The following UTP20 variants were observed in gnomAD, a reference collection of about 807,000 sequenced individuals.
UTP20 encodes small subunit processome component 20 homolog.
A neutral mutation model predicts 329.5 loss-of-function variants in UTP20; 164 were observed. The ratio of observed to expected loss-of-function variants is 0.50; its 90% confidence interval spans 0.44 to 0.57. The LOEUF (loss-of-function observed/expected upper bound fraction) is 0.57, where lower values mean the gene tolerates loss of function less well. Among genes scored for constraint, UTP20 ranks in the 20% least tolerant of loss-of-function variants. The probability of loss-of-function intolerance (pLI) is 0.00; values close to 1 mark genes in which losing one functional copy is unlikely to be tolerated. For synonymous variants in UTP20, 1,151 were observed against 1,159.3 expected, an observed-to-expected ratio of 0.99 and a Z score of 0.14; for missense variants, 3,055 against 3,284.2, an observed-to-expected ratio of 0.93 and a Z score of 1.71.
rs762707848 is a variant in UTP20 at position 101,285,807 on chromosome 12, C to A, written c.252C>A (p.His84Gln). 1.3e-4 allele frequency: 210 copies of A among 1,613,678 alleles called. No individual in the cohort carries two copies. The highest frequency in any genetic ancestry group is 1.6e-4 in the Non-Finnish European group (191 of 1,179,902). Residue 84 changes from histidine to glutamine, a missense_variant, in exon 4 of 62, where the codon CAC becomes CAA. His to Gln is a conservative substitution (Grantham distance 24). Coordinates refer to ENST00000261637, the MANE Select transcript of UTP20 (RefSeq NM_014503.3). ...KCQSFNQLVY[H>Q]QNEIVQSLKT... ...AATCATTCAATCAGTTGGTGTATCACCAAAACGAGATAGTTCAGAGTTTGA... is the reference window on the plus strand; with the variant it reads ...AATCATTCAATCAGTTGGTGTATCAACAAAACGAGATAGTTCAGAGTTTGA...
chr12:101,338,171 C>T lies in UTP20; in HGVS notation c.3762C>T (p.Asp1254=). The T allele has an allele frequency of 6.2e-7, 1 of 1,614,138 alleles. No individual in the cohort carries two copies. Among genetic ancestry groups the T allele is most frequent in the South Asian group, 1.1e-5 (1 of 91,074 alleles). The change falls in exon 30 of 62, where the codon GAC becomes GAT. Residue 1254 remains aspartate, a synonymous_variant. Coordinates refer to ENST00000261637, the MANE Select transcript of UTP20 (RefSeq NM_014503.3). The part of the protein sequence containing the change: ...LSDATASIVM[D]IVDDLLNLPD... ...ATGCCACAGCCAGTATTGTAATGGA[C>T]ATAGTTGATGACCTTCTTAACCTTC... is the stretch of plus-strand genomic sequence containing the variant.
At chr12:101,322,142 A>G (rs1868387021) in intron 25 of UTP20, among the ~76,000 whole-genome samples, 1 of 152,050 alleles carries the variant, frequency 6.6e-6, no homozygotes, top group African/African-American at 2.4e-5. Context: ...AGCGTGCGCC[A>G]CCATGCCTGG....
chr12:101,285,470 A>G (rs1871929704), intron 2 of UTP20, 100 bp from the exon 3 acceptor site: 2 of 1,275,606 alleles, frequency 1.6e-6, no homozygotes, highest in Admixed American at 2.1e-5. Flanking sequence ...TAAACTCTTC[A>G]GTATCATTGT....
At chr12:101,366,475 G>A (rs767763226) in intron 46 of UTP20, 83 bp from the exon 47 acceptor site, 20 of 1,511,358 alleles carry the variant, frequency 1.3e-5, no homozygotes, top group Admixed American at 1.1e-4. Context: ...CTGGGCTCTC[G>A]TCACTTTAGA....
intron 27 of UTP20, 96 bp from the exon 28 acceptor site, chr12:101,333,205 T>G: frequency 8.2e-7 from 1 of 1,225,916 alleles, no homozygotes; most frequent in South Asian, 1.5e-5. Flanking sequence ...ATTTCCAGTT[T>G]GATTCTTAGC....
At position 101,300,081 on chromosome 12, in the gene UTP20, T is replaced by C. The variant is rs1872479413; in HGVS notation, c.1675+20T>C. ...GGAAAGGTCAGTTACAATCATCATGTGTTCTCTTCTCTTCTTTTCTGGCAC... is the reference window on the plus strand; with the variant it reads ...GGAAAGGTCAGTTACAATCATCATGCGTTCTCTTCTCTTCTTTTCTGGCAC... On this transcript the variant is annotated intron_variant, in intron 14 of 61. Transcript: ENST00000261637. 6.2e-7 allele frequency: 1 copy of C among 1,604,828 alleles called. No homozygotes were observed. The highest frequency in any genetic ancestry group is 1.3e-5 in the African/African-American group (1 of 74,878).
chr12:101,283,633 T>C (rs949419405), intron 2 of UTP20, among the ~76,000 whole-genome samples: 1 of 152,224 alleles, frequency 6.6e-6, no homozygotes, highest in Admixed American at 6.5e-5. Flanking sequence ...AGTTTTAAAC[T>C]GTGTTGCATA....
intron 58 of UTP20, among the ~76,000 whole-genome samples, chr12:101,382,831 AAC>A (rs1472496789): frequency 6.6e-6 from 1 of 151,404 alleles, no homozygotes. Context: ...CAGCCTGGGT[AAC>A]AGAGTGAGGC....
intron 29 of UTP20, among the ~76,000 whole-genome samples, chr12:101,335,945 A>G (rs1323422553): frequency 1.3e-5 from 2 of 152,212 alleles, no homozygotes; most frequent in South Asian, 2.1e-4. Flanking sequence ...TGTCATTTCT[A>G]TGCAAATAAG....
intron 25 of UTP20, among the ~76,000 whole-genome samples, chr12:101,323,326 A>G (rs1868442337): frequency 6.6e-6 from 1 of 152,218 alleles, no homozygotes; most frequent in African/African-American, 2.4e-5. Context: ...GGATTAGAAT[A>G]GATTCTTGAT....
chr12:101,372,797 C>T, intron 51 of UTP20, 87 bp from the exon 52 acceptor site: 8 of 1,072,746 alleles, frequency 7.5e-6, no homozygotes, highest in Non-Finnish European at 9.9e-6. Flanking sequence ...TTTTTATAAC[C>T]TACCAGTGAG....
intron 15 of UTP20, 126 bp from the exon 16 acceptor site, chr12:101,305,789 C>T (rs1270488267): frequency 5.0e-5 from 55 of 1,106,566 alleles, no homozygotes; most frequent in Admixed American, 2.0e-4. Context: ...CAGATATCCA[C>T]GTGAGACTTT....
rs1869748750 is a variant in UTP20 at position 101,357,055 on chromosome 12, A to G, written c.5664A>G (p.Leu1888=). The G allele has an allele frequency of 6.2e-7, 1 of 1,613,328 alleles. No individual in the cohort carries two copies. The highest frequency in any genetic ancestry group is 1.1e-5 in the South Asian group (1 of 90,786). The stretch of plus-strand genomic sequence containing the variant: ...TCCTCCTATATGTTTTAAAAGAATT[A>G]CAGACTACTCTTGTCCGTGGATACC... ...VHFLLYVLKE[L]QTTLVRGYQV... is the part of the protein sequence containing the mutation. Residue 1888 remains leucine, a synonymous_variant, in exon 43 of 62, where the codon TTA becomes TTG. Transcript: ENST00000261637.
rs1311926075 is a variant in UTP20, at chr12:101,293,242, G to A, written c.1248G>A (p.Glu416=). The change falls in exon 11 of 62, where the codon GAG becomes GAA. Residue 416 remains glutamate (E), a synonymous_variant. Coordinates refer to ENST00000261637, the MANE Select transcript of UTP20 (RefSeq NM_014503.3). ...TCATGTTTGCCATGAAGCAGTTTGAGCAGGTAAGCAAGTTACTAAGTTCGG... is the reference window on the plus strand; with the variant it reads ...TCATGTTTGCCATGAAGCAGTTTGAACAGGTAAGCAAGTTACTAAGTTCGG... ...SEVMFAMKQF[E]QLFLPSFLSY... is the part of the protein sequence containing the mutation. 4 of 1,613,678 alleles carry A rather than the reference G, an allele frequency of 2.5e-6. No individual in the cohort carries two copies. Among genetic ancestry groups the A allele is most frequent in the Non-Finnish European group, 3.4e-6 (4 of 1,179,900 alleles).
At chr12:101,305,476 C>T (rs2137246887) in intron 15 of UTP20, among the ~76,000 whole-genome samples, 1 of 150,336 alleles carries the variant, frequency 6.7e-6, no homozygotes, top group Admixed American at 6.6e-5. Flanking sequence ...CAGACTACTC[C>T]TCTCTACTAT....
In UTP20 at chr12:101,317,633, A is replaced by C. The variant is rs200243638; in HGVS notation, c.2708A>C (p.Gln903Pro). The part of the protein sequence containing the change: ...EEAVPQDESS[Q>P]KKKTRRAAAK... The stretch of plus-strand genomic sequence containing the variant: ...GCAGTGCCCCAAGATGAATCCTCAC[A>C]GAAGAAAAAGACGAGGAGAGCTGCA... The change falls in exon 22 of 62, where the codon CAG becomes CCG. Residue 903 changes from glutamine (Q) to proline (P), a missense_variant. Gln to Pro is a moderately conservative substitution (Grantham distance 76). Transcript: ENST00000261637. The C allele has an allele frequency of 2.5e-6, 4 of 1,613,210 alleles. No homozygotes were observed.
intron 38 of UTP20, among the ~76,000 whole-genome samples, chr12:101,347,263 C>G (rs756759468): frequency 5.9e-5 from 9 of 152,100 alleles, no homozygotes; most frequent in Non-Finnish European, 7.4e-5. Flanking sequence ...TGGCTCACAC[C>G]TGTAATCTCA....
chr12:101,308,147 C>T, intron 17 of UTP20, 38 bp from the exon 18 acceptor site: 1 of 1,458,264 alleles, frequency 6.9e-7, no homozygotes, highest in Non-Finnish European at 9.1e-7. Flanking sequence ...AATCAAAATA[C>T]TGACTGGTCT....
chr12:101,338,972 G>C lies in UTP20; in HGVS notation c.4013+15G>C, dbSNP rs763198633. On this transcript the variant is annotated intron_variant, in intron 31 of 61. Coordinates refer to ENST00000261637, the MANE Select transcript of UTP20 (RefSeq NM_014503.3). Reference sequence around the variant, plus strand: ...ATTCTTTCAAAGTAAGTGATATGTTGATACTTAAAAGATAACATTACCATC... The same window carrying C: ...ATTCTTTCAAAGTAAGTGATATGTTCATACTTAAAAGATAACATTACCATC... 1 of 1,569,466 alleles carries C rather than the reference G, an allele frequency of 6.4e-7. No individual in the cohort carries two copies. Among genetic ancestry groups the C allele is most frequent in the Non-Finnish European group, 8.6e-7 (1 of 1,166,056 alleles).
Sources: allele counts gnomAD v4.1 joint callset (sites outside exome capture counted in the v4.1 genomes callset), GRCh38; gene constraint gnomAD v4.1.1; transcripts MANE v1.5; gene names NCBI Gene and HGNC (gene_info 2026-07-23, HGNC 2026-07-21).